Variants in PFKP observed in about 807,000 individuals in gnomAD.
The protein encoded by PFKP is ATP-dependent 6-phosphofructokinase, platelet type.
PFKP carries 101 observed loss-of-function variants against 94.3 expected under a neutral mutation model. That is an observed-to-expected ratio of 1.07 (90% CI 0.91 to 1.26). The LOEUF is 1.26. PFKP is among the 50% of genes most tolerant of loss of function. The probability of loss-of-function intolerance (pLI) is 0.00; values close to 1 mark genes in which losing one functional copy is unlikely to be tolerated. For synonymous variants in PFKP, 573 were observed against 432.6 expected, an observed-to-expected ratio of 1.32 and a Z score of -4.03; for missense variants, 1,145 against 1,103.3, an observed-to-expected ratio of 1.04 and a Z score of -0.53.
chr10:3,110,890 GTGCATGTTTGTGTGCA>G (rs1167282848), intron 10 of PFKP, among the ~76,000 whole-genome samples: 31 of 151,948 alleles, frequency 2.0e-4, no homozygotes, highest in African/African-American at 6.5e-4. Flanking sequence ...ATGTATGTGT[GTGCATGTTTGTGTGCA>G]TGCATGTTTG....
intron 2 of PFKP, among the ~76,000 whole-genome samples, chr10:3,086,213 C>G (rs1361287039): frequency 6.6e-6 from 1 of 152,182 alleles, no homozygotes; most frequent in African/African-American, 2.4e-5. Flanking sequence ...CACGGCTGCT[C>G]CTGTTCCCGC....
Position 3,102,058 on chromosome 10 carries a change from C to T in PFKP, c.454+504C>T, listed in dbSNP as rs983840854. On this transcript the variant is annotated intron_variant, in intron 4 of 21. Transcript: ENST00000381125. The stretch of plus-strand genomic sequence containing the variant: ...CGAGGTCAGGAGATCGAGACCATCC[C>T]GGCTAAAACGGTGAAACCCCGTCTC... 5.8e-4 allele frequency among the ~76,000 whole-genome samples: 87 copies of T among 150,242 alleles called. 1 individual carries two copies. Among genetic ancestry groups the T allele is most frequent in the African/African-American group, 9.5e-4 (39 of 41,220 alleles).
chr10:3,092,941 C>T (rs1267436618), intron 2 of PFKP, among the ~76,000 whole-genome samples: 4 of 147,546 alleles, frequency 2.7e-5, no homozygotes, highest in East Asian at 2.0e-4. Flanking sequence ...GGGGTGGCCA[C>T]GGAAGCCTGA....
At chr10:3,119,242 C>T (rs1397043275) in intron 15 of PFKP, among the ~76,000 whole-genome samples, 1 of 152,190 alleles carries the variant, frequency 6.6e-6, no homozygotes, top group Non-Finnish European at 1.5e-5. Context: ...ACATATTGGA[C>T]TGTAGACCCT....
chr10:3,083,577 GTT>G (rs1833252278), intron 2 of PFKP, among the ~76,000 whole-genome samples: 1 of 152,224 alleles, frequency 6.6e-6, no homozygotes, highest in South Asian at 2.1e-4. Flanking sequence ...TGTATACTGT[GTT>G]TTTTGTTTAC....
At chr10:3,123,928 C>G (rs1837667996) in intron 16 of PFKP, among the ~76,000 whole-genome samples, 2 of 152,246 alleles carry the variant, frequency 1.3e-5, no homozygotes, top group Admixed American at 1.3e-4. Flanking sequence ...GCGGGGGACC[C>G]TGCTCACAGC....
intron 16 of PFKP, 89 bp from the exon 17 acceptor site, chr10:3,129,730 C>T (rs1838341398): frequency 5.0e-6 from 7 of 1,388,914 alleles, no homozygotes; most frequent in South Asian, 4.9e-5. Context: ...GGTGGGGGGG[C>T]CTTGCTGCAC....
chr10:3,109,500 C>T lies in PFKP; in HGVS notation c.1089+20C>T, dbSNP rs763335868. On this transcript the variant is annotated intron_variant, in intron 10 of 21. Coordinates refer to ENST00000381125, the MANE Select transcript of PFKP (RefSeq NM_002627.5). ...CAGATGGTGAGTGGGCAGCCCATGG[C>T]CAAGGGCAGGGCGGAGACGGCTGGG... is the stretch of plus-strand genomic sequence containing the variant. 1.4e-5 allele frequency: 22 copies of T among 1,600,138 alleles called. No homozygotes were observed. Among genetic ancestry groups the T allele is most frequent in the Non-Finnish European group, 1.9e-5 (22 of 1,179,070 alleles).
At chr10:3,118,732 C>T (rs369469081) in intron 14 of PFKP, 50 bp from the exon 15 acceptor site, 47 of 1,381,618 alleles carry the variant, frequency 3.4e-5, no homozygotes, top group African/African-American at 3.1e-4. Flanking sequence ...TCCTGCGGAC[C>T]GCGTGGAGTT....
intron 1 of PFKP, 46 bp downstream of exon 1, chr10:3,067,753 G>C: frequency 9.2e-7 from 1 of 1,087,016 alleles, no homozygotes; most frequent in African/African-American, 1.6e-5. Context: ...GACGGACGGA[G>C]CTGGGGAGAA....
At chr10:3,127,325 G>A (rs1010943920) in intron 16 of PFKP, among the ~76,000 whole-genome samples, 6 of 152,244 alleles carry the variant, frequency 3.9e-5, no homozygotes, top group Admixed American at 6.5e-5. Flanking sequence ...GCAGCCTGGC[G>A]GGACCAGAAC....
chr10:3,129,747 T>C (rs1838345694), intron 16 of PFKP, 72 bp from the exon 17 acceptor site: 1 of 1,531,988 alleles, frequency 6.5e-7, no homozygotes, highest in African/African-American at 1.4e-5. Flanking sequence ...GCACTCACTC[T>C]TGGGGGAGCT....
intron 2 of PFKP, among the ~76,000 whole-genome samples, chr10:3,087,863 C>G (rs1169813074): frequency 6.6e-6 from 1 of 152,064 alleles, no homozygotes; most frequent in African/African-American, 2.4e-5. Flanking sequence ...CATGGACCCT[C>G]AGACCGCCAG....
intron 2 of PFKP, among the ~76,000 whole-genome samples, chr10:3,091,031 T>C (rs1699332543): frequency 6.6e-6 from 1 of 152,152 alleles, no homozygotes; most frequent in African/African-American, 2.4e-5. Flanking sequence ...GCGTTTCTGC[T>C]GAAAGCCTGG....
chr10:3,121,817 TTTTTTTTTTTTTTC>T (rs1564339273), intron 16 of PFKP, among the ~76,000 whole-genome samples: 3 of 47,556 alleles, frequency 6.3e-5, no homozygotes, highest in Non-Finnish European at 9.3e-5. Flanking sequence ...TTTTTTTTTT[TTTTTTTTTTTTTTC>T]TTTTTTTGGA....
intron 1 of PFKP, among the ~76,000 whole-genome samples, chr10:3,080,636 G>T (rs567517074): frequency 7.8e-4 from 118 of 152,214 alleles, no homozygotes; most frequent in Non-Finnish European, 1.3e-3. Context: ...CAACAGCAAG[G>T]CACCGTCCCC....
chr10:3,125,299 A>G, intron 16 of PFKP: 1 of 1,193,616 alleles, frequency 8.4e-7, no homozygotes, highest in African/African-American at 1.6e-5. Flanking sequence ...TTATTTTAGC[A>G]ACTTGTTTCT....
intron 20 of PFKP, 94 bp downstream of exon 20, chr10:3,134,676 G>C: frequency 1.2e-6 from 1 of 800,560 alleles, no homozygotes; most frequent in Non-Finnish European, 2.2e-6. Context: ...TAGGGTGCTG[G>C]TTCCTTCTTC....
intron 1 of PFKP, among the ~76,000 whole-genome samples, chr10:3,079,651 A>G (rs1399006102): frequency 1.1e-4 from 3 of 27,740 alleles, no homozygotes; most frequent in African/African-American, 2.5e-4. Flanking sequence ...CGAGGTCTTC[A>G]GAGAGCGGGG....
Sources: gnomAD v4.1 joint callset for allele counts (sites outside exome capture counted in the v4.1 genomes callset) on GRCh38, gnomAD v4.1.1 for gene constraint, MANE v1.5 for transcripts, NCBI Gene and HGNC (gene_info 2026-07-23, HGNC 2026-07-21) for gene names.